GCSAML: variants seen among roughly 807,000 people sequenced by gnomAD.
GCSAML encodes the protein germinal center associated signaling and motility like.
Under a neutral mutation model 13.0 loss-of-function variants are expected in GCSAML, and 9 were observed. The observed-to-expected ratio is 0.69, with a 90% CI of 0.42 to 1.21. GCSAML has a LOEUF of 1.21. GCSAML is among the 50% of genes most tolerant of loss of function. The pLI is 0.00. For synonymous variants in GCSAML, 37 were observed against 52.9 expected (o/e 0.70, Z 1.31); for missense variants, 143 against 153.4 (o/e 0.93, Z 0.36).
At chr1:247,568,627 C>G (rs1367002733) in intron 4 of GCSAML, among the ~76,000 whole-genome samples, 2 of 152,064 alleles carry the variant, frequency 1.3e-5, no homozygotes, top group Admixed American at 1.3e-4. Flanking sequence ...CAGCTTTGTT[C>G]TTTTTGCTTA....
chr1:247,563,604 C>T lies in GCSAML; in HGVS notation c.104C>T (p.Thr35Ile), dbSNP rs1386530134. 1 of 1,579,322 alleles carries T rather than the reference C, an allele frequency of 6.3e-7. No individual in the cohort carries two copies. Among genetic ancestry groups the T allele is most frequent in the Non-Finnish European group, 8.7e-7 (1 of 1,149,802 alleles). The change falls in exon 3 of 5, where the codon ACA becomes ATA. Residue 35 changes from threonine (T) to isoleucine (I), a missense_variant. Coordinates refer to ENST00000366488, the MANE Select transcript of GCSAML (RefSeq NM_145278.5). ...TTTCCTTGTAGGCAGGAAATGACTA[C>T]ATTTGAAAGAAAACTTCAAGATCAA... ...DEERKRQEMT[T>I]FERKLQDQDK...
At chr1:247,508,515 T>C (rs988442427) in intron 1 of GCSAML, among the ~76,000 whole-genome samples, 9 of 152,252 alleles carry the variant, frequency 5.9e-5, no homozygotes, top group African/African-American at 1.7e-4. Flanking sequence ...TTAAGTTTAA[T>C]TAGATCCCAT....
rs1356225126 is a variant in GCSAML, at chr1:247,527,153, A to G, written c.-148+99A>G. On this transcript the variant is annotated intron_variant, in intron 2 of 5. Transcript: ENST00000366489. This position sits in a 1 kb window ranked among gnomAD's most constrained non-coding sequence, Gnocchi z 4.6. ...GAGCAGTTGGGTGAGCACATGACCA[A>G]TCAGCCTGAGCATTTAAGGCAGTTG... 5 of 439,172 alleles carry G rather than the reference A, an allele frequency of 1.1e-5. No homozygotes were observed. The highest frequency in any genetic ancestry group is 7.0e-5 in the East Asian group (1 of 14,328). 27.2% of individuals were successfully genotyped at this position (439,172 alleles called of 1,614,324 possible).
At position 247,576,969 on chromosome 1, in the gene GCSAML, T is replaced by C. The variant is rs1023418538; in HGVS notation, c.*2587T>C. 6.6e-6 allele frequency: 1 copy of C among 152,176 alleles called. No homozygotes were observed. The highest frequency in any genetic ancestry group is 2.4e-5 in the African/African-American group (1 of 41,450). The allele number at this position is 152,176 out of a possible 1,614,324, so 9.4% of individuals were successfully genotyped here. Reference sequence around the variant, plus strand: ...GCAATAGGTTAATAAACAGTATTGATTGGTAGAAGGAACGTTGAAATCCAA... The same window carrying C: ...GCAATAGGTTAATAAACAGTATTGACTGGTAGAAGGAACGTTGAAATCCAA... On this transcript the variant is annotated 3_prime_UTR_variant, in exon 5 of 5. Coordinates refer to ENST00000366488, the MANE Select transcript of GCSAML (RefSeq NM_145278.5).
chr1:247,552,086 A>G (rs1238484641), intron 1 of GCSAML, among the ~76,000 whole-genome samples: 3 of 152,194 alleles, frequency 2.0e-5, no homozygotes, highest in East Asian at 1.9e-4. Context: ...TCTGGTTTCT[A>G]TCAATCACCT....
At position 247,517,935 on chromosome 1, in the gene GCSAML, G is replaced by A. The variant is rs117354753; in HGVS notation, c.-262-9005G>A. Among the ~76,000 whole-genome samples the A allele has an allele frequency of 2.6e-5, 4 of 152,286 alleles. No homozygotes were observed. In the East Asian group the frequency reaches 7.7e-4, roughly 29 times the overall value. Reference sequence around the variant, plus strand: ...TTCTGGAGAGGCCAAAGCTGGAGACGGTCCCGTTTGTGGTCAGCACGGCCT... The same window carrying A: ...TTCTGGAGAGGCCAAAGCTGGAGACAGTCCCGTTTGTGGTCAGCACGGCCT... On this transcript the variant is annotated intron_variant, in intron 1 of 5. Coordinates refer to the GCSAML transcript ENST00000366489.
intron 1 of GCSAML, among the ~76,000 whole-genome samples, chr1:247,521,913 G>A (rs1474681020): frequency 1.7e-4 from 26 of 150,708 alleles, no homozygotes; most frequent in Non-Finnish European, 2.8e-4. Flanking sequence ...CTTCCTGGCC[G>A]CCATCCCGTC....
At chr1:247,573,097 C>T (rs1668687881) in intron 4 of GCSAML, among the ~76,000 whole-genome samples, 1 of 152,242 alleles carries the variant, frequency 6.6e-6, no homozygotes, top group South Asian at 2.1e-4. Flanking sequence ...AGGATCTTAG[C>T]TTGCTGGGCT....
At chr1:247,537,696 G>T (rs984009636) in intron 2 of GCSAML, among the ~76,000 whole-genome samples, 2 of 151,740 alleles carry the variant, frequency 1.3e-5, no homozygotes, top group African/African-American at 4.8e-5. Context: ...GGCCATCGTA[G>T]TGGATACAAA....
At chr1:247,553,382 C>A (rs1167028216) in intron 1 of GCSAML, among the ~76,000 whole-genome samples, 2 of 151,704 alleles carry the variant, frequency 1.3e-5, no homozygotes, top group African/African-American at 4.8e-5. Context: ...TTTTTCTATT[C>A]TTTTTTTGTT....
intron 1 of GCSAML, among the ~76,000 whole-genome samples, chr1:247,512,254 T>C (rs549042215): frequency 6.6e-6 from 1 of 152,032 alleles, no homozygotes; most frequent in South Asian, 2.1e-4. Context: ...TATTTCATTA[T>C]GCCGATCTTC....
At chr1:247,512,279 T>C (rs1321032373) in intron 1 of GCSAML, among the ~76,000 whole-genome samples, 1 of 151,842 alleles carries the variant, frequency 6.6e-6, no homozygotes, top group African/African-American at 2.4e-5. Context: ...TCTGATACCC[T>C]TTCTTCTGCT....
chr1:247,556,924 T>C (rs1041465338), intron 2 of GCSAML, among the ~76,000 whole-genome samples: 1 of 152,194 alleles, frequency 6.6e-6, no homozygotes, highest in Non-Finnish European at 1.5e-5. Context: ...ATTCTGCATC[T>C]CTCCCATCTG....
chr1:247,567,885 G>C (rs1572374159), intron 4 of GCSAML, among the ~76,000 whole-genome samples: 1 of 152,112 alleles, frequency 6.6e-6, no homozygotes, highest in African/African-American at 2.4e-5. Context: ...GGCATGAGAT[G>C]GTATCTCATT....
At chr1:247,546,315 G>A (rs1667567121), upstream of GCSAML, among the ~76,000 whole-genome samples, 1 of 152,032 alleles carries the variant, frequency 6.6e-6, no homozygotes, top group Admixed American at 6.6e-5. Flanking sequence ...TGGGACTACA[G>A]GCACATGCTA....
At position 247,574,331 on chromosome 1, in the gene GCSAML, G is replaced by T; in HGVS notation, c.357G>T (p.Arg119Ser). The T allele has an allele frequency of 6.2e-7, 1 of 1,613,946 alleles. No individual in the cohort carries two copies. The highest frequency in any genetic ancestry group is 8.5e-7 in the Non-Finnish European group (1 of 1,179,892). Residue 119 changes from arginine to serine, a missense_variant, in exon 5 of 5, where the codon AGG becomes AGT. By Grantham distance (110) the Arg-to-Ser change is moderately radical (BLOSUM62 -1). Transcript: ENST00000366488. ...CCCTTCTTAGGACTTCTGTTAGTAG[G>T]CCTTGTTCCTGCACCCATGAGCATG... is the stretch of plus-strand genomic sequence containing the variant. ...EYALLRTSVS[R>S]PCSCTHEHDY...
intron 1 of GCSAML, among the ~76,000 whole-genome samples, chr1:247,551,218 A>G (rs905136307): frequency 2.0e-5 from 3 of 152,216 alleles, no homozygotes; most frequent in African/African-American, 7.2e-5. Flanking sequence ...GCAGGAAGGA[A>G]GGACATGCTT....
At chr1:247,531,989 T>C in intron 2 of GCSAML, 1 of 1,614,142 alleles carries the variant, frequency 6.2e-7, no homozygotes, top group Non-Finnish European at 8.5e-7. Context: ...AAGTGGTCGA[T>C]GCAATTGTTC....
At chr1:247,519,163 C>G (rs990424716) in intron 1 of GCSAML, 1 of 152,240 alleles carries the variant, frequency 6.6e-6, no homozygotes, top group Non-Finnish European at 1.5e-5. Flanking sequence ...GACTTTGTAT[C>G]TTTGCTTGCA....
Sources: gnomAD v4.1 joint callset for allele counts (sites outside exome capture counted in the v4.1 genomes callset) on GRCh38, gnomAD v4.1.1 for gene constraint, Gnocchi (gnomAD v3.1) non-coding constraint, MANE v1.5 for transcripts, NCBI Gene and HGNC (gene_info 2026-07-23, HGNC 2026-07-21) for gene names.